The following ZNF430 variants were observed in gnomAD, a reference collection of about 807,000 sequenced individuals.
ZNF430 encodes zinc finger protein 430.
Under a neutral mutation model 56.7 loss-of-function variants are expected in ZNF430, and 35 were observed. The ratio of observed to expected loss-of-function variants is 0.62; its 90% CI spans 0.47 to 0.82. ZNF430 has a LOEUF of 0.82. ZNF430 is among the 40% of genes least tolerant of loss of function. The pLI is 0.00. For synonymous variants in ZNF430, 212 were observed against 224.3 expected (o/e 0.94, Z 0.49); for missense variants, 574 against 661.0 (o/e 0.87, Z 1.44).
Position 21,057,062 on chromosome 19 carries a change from A to T in ZNF430, c.754A>T (p.Arg252Ter). 1 of 1,614,164 alleles carries T rather than the reference A, an allele frequency of 6.2e-7. No individual in the cohort carries two copies. The highest frequency in any genetic ancestry group is 1.3e-5 in the African/African-American group (1 of 75,076). ...FNWFSTLTRH[R>*]RIHTGEKPYK... ...CTGGTTCTCAACCCTTACTAGACAC[A>T]GAAGAATTCATACTGGAGAGAAACC... Residue 252 changes from arginine to a stop codon, truncating the protein, a stop_gained, in exon 5 of 5, where the codon AGA becomes TGA. Coordinates refer to ENST00000261560, the MANE Select transcript of ZNF430 (RefSeq NM_025189.4). LOFTEE classifies it high-confidence loss of function.
Position 21,029,822 on chromosome 19 carries a change from G to A in ZNF430, c.97-3634G>A, listed in dbSNP as rs150132728. ...TCTACTAAAAATACAAAAATTAGCC[G>A]GGCGTGGTGGCACATGCCTGTAATC... On this transcript the variant is annotated intron_variant, in intron 2 of 4. Coordinates refer to ENST00000261560, the MANE Select transcript of ZNF430 (RefSeq NM_025189.4). 1.7e-3 allele frequency among the ~76,000 whole-genome samples: 262 copies of A among 152,190 alleles called. 1 individual carries two copies. The highest frequency in any genetic ancestry group is 6.2e-3 in the African/African-American group (256 of 41,538).
intron 4 of ZNF430, among the ~76,000 whole-genome samples, chr19:21,039,991 C>CG (rs1968074629): frequency 6.6e-6 from 1 of 152,020 alleles, no homozygotes; most frequent in Non-Finnish European, 1.5e-5. Flanking sequence ...CATGCACTAC[C>CG]GTGCCTCGCT....
chr19:21,056,968 A>C lies in ZNF430; in HGVS notation c.660A>C (p.Leu220=). 6 of 1,613,976 alleles carry C rather than the reference A, an allele frequency of 3.7e-6. No individual in the cohort carries two copies. The highest frequency in any genetic ancestry group is 5.1e-6 in the Non-Finnish European group (6 of 1,179,922). Residue 220 remains leucine (L), a synonymous_variant, in exon 5 of 5, where the codon CTA becomes CTC. Coordinates refer to ENST00000261560, the MANE Select transcript of ZNF430 (RefSeq NM_025189.4). ...CDKSFCMLLH[L]TQHKRIHIRE... ...AATCGTTTTGCATGCTTTTACACCT[A>C]ACTCAACATAAAAGAATTCATATTA...
rs185805529 is a variant in ZNF430 at position 21,028,649 on chromosome 19, G to A, written c.97-4807G>A. 2.4e-4 allele frequency among the ~76,000 whole-genome samples: 37 copies of A among 152,250 alleles called. No individual in the cohort carries two copies. The Middle Eastern group carries it at 0.024, about 98-fold the overall frequency. On this transcript the variant is annotated intron_variant, in intron 2 of 4. Transcript: ENST00000261560. ...TAATTCTGCTTCTGGCTTGGTGTAAGAGAAATGAGTCATTCTGTGTGTGTG... is the reference window on the plus strand; with the variant it reads ...TAATTCTGCTTCTGGCTTGGTGTAAAAGAAATGAGTCATTCTGTGTGTGTG...
At chr19:21,046,885 G>C (rs1968192832) in intron 4 of ZNF430, among the ~76,000 whole-genome samples, 1 of 152,082 alleles carries the variant, frequency 6.6e-6, no homozygotes, top group Admixed American at 6.6e-5. Context: ...GGCCTTTCTT[G>C]TTAGGTTGGA....
intron 2 of ZNF430, 62 bp downstream of exon 2, chr19:21,022,943 A>G (rs1967724375): frequency 8.2e-7 from 1 of 1,217,704 alleles, no homozygotes; most frequent in Middle Eastern, 1.9e-4. Context: ...TTGGAGACAC[A>G]TTGCTGGTCA....
chr19:21,023,324 A>G (rs986602394), intron 2 of ZNF430, among the ~76,000 whole-genome samples: 2 of 151,738 alleles, frequency 1.3e-5, no homozygotes, highest in African/African-American at 4.8e-5. Flanking sequence ...CAGCACTGCC[A>G]CTCCCTGGGT....
At chr19:21,026,467 G>A (rs192440652) in intron 2 of ZNF430, among the ~76,000 whole-genome samples, 179 of 152,210 alleles carry the variant, frequency 1.2e-3, no homozygotes, top group Non-Finnish European at 2.0e-3. Flanking sequence ...GGTTACAGGC[G>A]TGAGCCACCG....
Position 21,048,164 on chromosome 19 carries a change from C to CT in ZNF430, c.323-8435dup, listed in dbSNP as rs536496163. The stretch of plus-strand genomic sequence containing the variant: ...TTAAAATGGAGATTACATAAAACAT[C>CT]TTTTTTTTTTTTTTTTTTTTTTTTT... On this transcript the variant is annotated intron_variant, in intron 4 of 4. Coordinates refer to ENST00000261560, the MANE Select transcript of ZNF430 (RefSeq NM_025189.4). Among the ~76,000 whole-genome samples the CT allele has an allele frequency of 1.6e-3, 97 of 59,812 alleles. 5 individuals are homozygous for CT. Among genetic ancestry groups the CT allele is most frequent in the East Asian group, 3.3e-3 (5 of 1,494 alleles). The allele number at this position is 59,812 out of a possible 152,430, so 39.2% of individuals were successfully genotyped here. A position where few individuals can be genotyped will look rare whatever the true frequency, so the allele number is the denominator to read the frequency against.
chr19:21,056,740 G>A lies in ZNF430; in HGVS notation c.432G>A (p.Gln144=). The stretch of plus-strand genomic sequence containing the variant: ...GAAAATGTGGACATGAAGATTTACA[G>A]TTAAGAACAGGCTGTAAAAGTGTGG... ...RYGKCGHEDL[Q]LRTGCKSVDE... Residue 144 remains glutamine, a synonymous_variant, in exon 5 of 5, where the codon CAG becomes CAA. Coordinates refer to ENST00000261560, the MANE Select transcript of ZNF430 (RefSeq NM_025189.4). 6.2e-7 allele frequency: 1 copy of A among 1,612,700 alleles called. No individual in the cohort carries two copies. The highest frequency in any genetic ancestry group is 1.1e-5 in the South Asian group (1 of 90,636).
At chr19:21,048,164 C>CTTTTTTTTTTTTTTT (rs536496163) in intron 4 of ZNF430, among the ~76,000 whole-genome samples, 2 of 59,782 alleles carry the variant, frequency 3.3e-5, no homozygotes, top group Admixed American at 3.1e-4. Flanking sequence ...CATAAAACAT[C>CTTTTTTTTTTTTTTT]TTTTTTTTTT....
intron 2 of ZNF430, among the ~76,000 whole-genome samples, chr19:21,025,623 G>T (rs974911585): frequency 6.6e-6 from 1 of 151,732 alleles, no homozygotes; most frequent in East Asian, 1.9e-4. Context: ...GTCTCACTCT[G>T]TTGCCCAGGC....
At chr19:21,028,749 G>A (rs376237944) in intron 2 of ZNF430, among the ~76,000 whole-genome samples, 1 of 152,010 alleles carries the variant, frequency 6.6e-6, no homozygotes, top group Non-Finnish European at 1.5e-5. Flanking sequence ...GCAGTGGCGC[G>A]ATCTCGGCTC....
chr19:21,054,098 AT>A (rs1287498271), intron 4 of ZNF430, among the ~76,000 whole-genome samples: 2 of 152,122 alleles, frequency 1.3e-5, no homozygotes, highest in African/African-American at 2.4e-5. Flanking sequence ...TATGTTGTAT[AT>A]TAACTAACAG....
chr19:21,048,529 G>A (rs1417118913), intron 4 of ZNF430, among the ~76,000 whole-genome samples: 1 of 151,980 alleles, frequency 6.6e-6, no homozygotes, highest in Admixed American at 6.6e-5. Flanking sequence ...AGCATCCCAA[G>A]GCAGAAGAAT....
chr19:21,055,902 G>A (rs1182168124), intron 4 of ZNF430, among the ~76,000 whole-genome samples: 1 of 151,768 alleles, frequency 6.6e-6, no homozygotes, highest in Non-Finnish European at 1.5e-5. Flanking sequence ...TTCAGCACTA[G>A]ATGTCATAGG....
chr19:21,033,370 T>C (rs1424701647), intron 2 of ZNF430, 86 bp from the exon 3 acceptor site: 6 of 1,495,474 alleles, frequency 4.0e-6, no homozygotes, highest in Non-Finnish European at 5.4e-6. Context: ...CTCTTTATTC[T>C]GTCATTTCAC....
rs1245264120 is a variant in ZNF430, at chr19:21,059,786, TGA to T, written c.*1767_*1768del. On this transcript the variant is annotated 3_prime_UTR_variant, in exon 5 of 5. Coordinates refer to ENST00000261560, the MANE Select transcript of ZNF430 (RefSeq NM_025189.4). ...ATCAGTTATTGCTGCATTAAAAACA[TGA>T]GTCTTTTTTATTAGGTGGCCATTAT... The T allele has an allele frequency of 6.6e-6, 1 of 152,122 alleles. No individual in the cohort carries two copies. The highest frequency in any genetic ancestry group is 1.9e-4 in the East Asian group (1 of 5,186). The allele number at this position is 152,122 out of a possible 1,614,324, so 9.4% of individuals were successfully genotyped here. A position where few individuals can be genotyped will look rare whatever the true frequency, so the allele number is the denominator to read the frequency against.
intron 4 of ZNF430, among the ~76,000 whole-genome samples, chr19:21,049,734 G>GTGTAACATTTCTTGTTACATTTCA (rs1968252340): frequency 6.6e-6 from 1 of 151,942 alleles, no homozygotes; most frequent in Non-Finnish European, 1.5e-5. Flanking sequence ...GTTACATTTC[G>GTGTAACATTTCTTGTTACATTTCA]TGTAACATTT....
Sources: gnomAD v4.1 joint callset for allele counts (sites outside exome capture counted in the v4.1 genomes callset) on GRCh38, gnomAD v4.1.1 for gene constraint, MANE v1.5 for transcripts, NCBI Gene and HGNC (gene_info 2026-07-23, HGNC 2026-07-21) for gene names.